Variants in ZMYND8 observed in about 807,000 individuals in gnomAD.
The protein encoded by ZMYND8 is MYND-type zinc finger-containing chromatin reader ZMYND8.
A neutral mutation model predicts 140.8 loss-of-function variants in ZMYND8; 37 were observed. The ratio of observed to expected loss-of-function variants is 0.26; its 90% CI spans 0.20 to 0.35. The LOEUF (loss-of-function observed/expected upper bound fraction) is 0.35, where lower values mean the gene tolerates loss of function less well. ZMYND8 is among the 10% of genes least tolerant of loss of function. The pLI is 1.00. For missense variants in ZMYND8, 1,068 were observed against 1,570.0 expected, an observed-to-expected ratio of 0.68 and a Z score of 5.40; for synonymous variants, 592 against 597.1, an observed-to-expected ratio of 0.99 and a Z score of 0.12.
intron 12 of ZMYND8, among the ~76,000 whole-genome samples, chr20:47,251,135 CAG>C (rs1364824948): frequency 6.6e-6 from 1 of 152,074 alleles, no homozygotes; most frequent in Non-Finnish European, 1.5e-5. Flanking sequence ...TCAAAGCAAG[CAG>C]AGACACTATC....
chr20:47,233,140 C>T (rs148461455), intron 16 of ZMYND8, among the ~76,000 whole-genome samples: 2,215 of 151,342 alleles, frequency 0.015, 50 homozygotes, highest in African/African-American at 0.051. Flanking sequence ...CTCCTGACCT[C>T]AGGCAATCCA....
chr20:47,253,620 G>C (rs2074366282), intron 12 of ZMYND8, among the ~76,000 whole-genome samples: 1 of 151,402 alleles, frequency 6.6e-6, no homozygotes, highest in African/African-American at 2.4e-5. Flanking sequence ...CCCTGTATCA[G>C]ACCAATCTTC....
At chr20:47,290,583 GTTTTTTTTTTTT>G (rs71183240) in intron 6 of ZMYND8, among the ~76,000 whole-genome samples, 2 of 64,084 alleles carry the variant, frequency 3.1e-5, no homozygotes, top group African/African-American at 7.0e-5. Flanking sequence ...TATTTATTTA[GTTTTTTTTTTTT>G]TTTTTTTTTT....
intron 2 of ZMYND8, among the ~76,000 whole-genome samples, chr20:47,337,479 C>T (rs1219342512): frequency 1.3e-5 from 2 of 152,144 alleles, no homozygotes; most frequent in African/African-American, 4.8e-5. Flanking sequence ...GCAGCCTGGG[C>T]AACACGGCAA....
intron 14 of ZMYND8, among the ~76,000 whole-genome samples, chr20:47,244,236 T>C (rs917015853): frequency 1.3e-5 from 2 of 152,232 alleles, no homozygotes; most frequent in African/African-American, 4.8e-5. Flanking sequence ...TAGCTCCTGA[T>C]AGAAGTTAGG....
In ZMYND8 at chr20:47,276,359, A is replaced by G; in HGVS notation, c.1435T>C (p.Phe479Leu). ...TCCATGGACTCCTCGCTCGCACTGA[A>G]GTGGCTCGACGTGGCCTTCTTCTCA... ...DAEKKATSSH[F>L]SASEESMDFL... The change falls in exon 11 of 23, where the codon TTC becomes CTC. Residue 479 changes from phenylalanine to leucine, a missense_variant. Physicochemically the swap from Phe to Leu is conservative, Grantham distance 22. Coordinates refer to ENST00000471951, the MANE Select transcript of ZMYND8 (RefSeq NM_001281775.3). The G allele has an allele frequency of 6.3e-7, 1 of 1,599,820 alleles. No homozygotes were observed. Among genetic ancestry groups the G allele is most frequent in the Non-Finnish European group, 8.6e-7 (1 of 1,169,256 alleles).
intron 1 of ZMYND8, 80 bp downstream of exon 1, chr20:47,356,577 C>T (rs1169721290): frequency 6.2e-7 from 1 of 1,613,600 alleles, no homozygotes; most frequent in East Asian, 2.2e-5. Flanking sequence ...CGGCCAGCCA[C>T]AGAGAAATCA....
chr20:47,232,988 C>T (rs370161394), intron 16 of ZMYND8, among the ~76,000 whole-genome samples: 9 of 150,870 alleles, frequency 6.0e-5, no homozygotes, highest in South Asian at 2.1e-4. Context: ...CTCACTGCAA[C>T]GTCCATCCCC....
intron 10 of ZMYND8, among the ~76,000 whole-genome samples, chr20:47,278,433 G>C (rs1418144007): frequency 1.3e-5 from 2 of 152,216 alleles, no homozygotes; most frequent in Non-Finnish European, 2.9e-5. Context: ...AAGCAACCAT[G>C]TAGGAATCTG....
intron 1 of ZMYND8, chr20:47,354,335 G>A (rs2083042341): frequency 6.6e-6 from 1 of 152,134 alleles, no homozygotes; most frequent in Non-Finnish European, 1.5e-5. Context: ...TTATGCAAAC[G>A]TTGAAGGCAC....
At chr20:47,339,363 T>G (rs2081645238) in intron 2 of ZMYND8, among the ~76,000 whole-genome samples, 1 of 152,076 alleles carries the variant, frequency 6.6e-6, no homozygotes, top group African/African-American at 2.4e-5. Flanking sequence ...AGGCTGCAAG[T>G]GGGGGAAATG....
chr20:47,272,034 T>C (rs886228692), intron 11 of ZMYND8, among the ~76,000 whole-genome samples: 5 of 142,694 alleles, frequency 3.5e-5, no homozygotes, highest in Admixed American at 1.4e-4. Flanking sequence ...CAAAAACATA[T>C]TGATTTCACA....
intron 2 of ZMYND8, chr20:47,320,418 C>T (rs1334412075): frequency 2.0e-5 from 3 of 152,484 alleles, no homozygotes; most frequent in African/African-American, 7.2e-5. Flanking sequence ...CCTGGCCAGC[C>T]ACCACGTAAA....
At chr20:47,312,966 T>C (rs1033458229) in intron 2 of ZMYND8, among the ~76,000 whole-genome samples, 1 of 151,858 alleles carries the variant, frequency 6.6e-6, no homozygotes, top group Non-Finnish European at 1.5e-5. Context: ...TCTACAAACA[T>C]AGTGGAAAAG....
chr20:47,275,901 G>T (rs1039220070), intron 11 of ZMYND8, among the ~76,000 whole-genome samples: 2 of 152,128 alleles, frequency 1.3e-5, no homozygotes, highest in African/African-American at 4.8e-5. Context: ...GAGCCACGGC[G>T]CCTGGTCAAG....
intron 5 of ZMYND8, among the ~76,000 whole-genome samples, chr20:47,294,333 C>A (rs960302081): frequency 9.3e-5 from 14 of 151,238 alleles, no homozygotes; most frequent in Non-Finnish European, 2.1e-4. Context: ...GCCTGGGTGA[C>A]AGAGCAAGTC....
At chr20:47,299,776 G>T (rs2077888416) in intron 3 of ZMYND8, among the ~76,000 whole-genome samples, 1 of 152,002 alleles carries the variant, frequency 6.6e-6, no homozygotes, top group Non-Finnish European at 1.5e-5. Flanking sequence ...TAGAGATGGG[G>T]TTTCACCATG....
At chr20:47,245,061 C>T (rs1340561919) in intron 14 of ZMYND8, among the ~76,000 whole-genome samples, 1 of 151,990 alleles carries the variant, frequency 6.6e-6, no homozygotes, top group Non-Finnish European at 1.5e-5. Context: ...CTGTCCGCCC[C>T]CCCTCCCCAA....
At chr20:47,239,210 C>T in intron 14 of ZMYND8, 72 bp from the exon 15 acceptor site, 6 of 1,449,852 alleles carry the variant, frequency 4.1e-6, no homozygotes, top group Non-Finnish European at 4.5e-6. Context: ...GTCTTGACGC[C>T]ACCAAGTTCT....
Sources: gnomAD v4.1 joint callset for allele counts (sites outside exome capture counted in the v4.1 genomes callset) on GRCh38, gnomAD v4.1.1 for gene constraint, MANE v1.5 for transcripts, NCBI Gene and HGNC (gene_info 2026-07-23, HGNC 2026-07-21) for gene names.